Variants in SPTAN1 observed in about 807,000 individuals in gnomAD.
SPTAN1 encodes spectrin alpha chain, non-erythrocytic 1.
In SPTAN1, 61 loss-of-function variants were observed where a neutral mutation model predicts 331.3. That is an observed-to-expected ratio of 0.18 (90% confidence interval 0.15 to 0.23). SPTAN1 has a LOEUF of 0.23. Ranked by LOEUF, SPTAN1 falls within the 10% of genes least tolerant of loss-of-function variation. The pLI is 1.00. For missense variants in SPTAN1, 2,043 were observed against 3,147.9 expected (o/e 0.65, Z 8.40); for synonymous variants, 1,153 against 1,173.9 (o/e 0.98, Z 0.36).
At chr9:128,604,518 C>T (rs1855571565) in intron 29 of SPTAN1, 101 bp downstream of exon 29, 1 of 1,137,646 alleles carries the variant, frequency 8.8e-7, no homozygotes, top group African/African-American at 1.5e-5. Flanking sequence ...CAACTGCTGG[C>T]TCTTACTGAT....
intron 32 of SPTAN1, 39 bp from the exon 33 acceptor site, chr9:128,607,813 C>A: frequency 6.2e-7 from 1 of 1,613,258 alleles, no homozygotes; most frequent in South Asian, 1.1e-5. Flanking sequence ...GAGTGGGCAT[C>A]TGCTGCCAGT....
chr9:128,613,234 G>A, intron 39 of SPTAN1, 147 bp from the exon 40 acceptor site: 1 of 719,232 alleles, frequency 1.4e-6, no homozygotes, highest in Non-Finnish European at 2.5e-6. Flanking sequence ...TGATTGGGGT[G>A]GCTAGGAATC....
Position 128,632,903 on chromosome 9 carries a change from G to C in SPTAN1, c.7256G>C (p.Arg2419Pro). The change falls in exon 56 of 57, where the codon CGG becomes CCG. Residue 2419 changes from arginine (R) to proline (P), a missense_variant. Physicochemically the swap from Arg to Pro is moderately radical, Grantham distance 103. This residue lies in a region of SPTAN1 where 88 missense variants were observed against 96.5 expected (regional missense o/e 0.91). Transcript: ENST00000372739. ...KSSEEIESAFRALSSEGKPYV... is the reference protein window; with the variant it reads ...KSSEEIESAFPALSSEGKPYV... ...AGCGAGGAGATTGAGAGCGCCTTCC[G>C]GGCCCTCAGCTCAGAGGGAAAGCCT... 6.2e-7 allele frequency: 1 copy of C among 1,613,744 alleles called. No individual in the cohort carries two copies. Among genetic ancestry groups the C allele is most frequent in the Non-Finnish European group, 8.5e-7 (1 of 1,180,028 alleles).
chr9:128,626,374 G>T lies in SPTAN1; in HGVS notation c.6280-17G>T. The T allele has an allele frequency of 1.2e-6, 2 of 1,612,962 alleles. No homozygotes were observed. Among genetic ancestry groups the T allele is most frequent in the Non-Finnish European group, 1.7e-6 (2 of 1,180,018 alleles). ...CAGCCCTGGCGACTCCGCCAACTCA[G>T]TCTCTTCTGCTTCCAGGTGGAGGAC... On this transcript the variant is annotated splice_polypyrimidine_tract_variant and intron_variant, in intron 48 of 56. Coordinates refer to ENST00000372739, the MANE Select transcript of SPTAN1 (RefSeq NM_001130438.3).
intron 3 of SPTAN1, 81 bp from the exon 4 acceptor site, chr9:128,574,594 A>C: frequency 5.2e-6 from 8 of 1,546,252 alleles, no homozygotes; most frequent in Non-Finnish European, 7.1e-6. Flanking sequence ...TAAGGTCTCT[A>C]ACTTGTCTAA....
intron 1 of SPTAN1, among the ~76,000 whole-genome samples, chr9:128,559,811 T>G (rs1269328429): frequency 6.6e-6 from 1 of 152,070 alleles, no homozygotes. Context: ...CTTGGCTCAC[T>G]GCAACCTCTG....
At chr9:128,567,479 A>G (rs944716842) in intron 2 of SPTAN1, among the ~76,000 whole-genome samples, 5 of 151,818 alleles carry the variant, frequency 3.3e-5, no homozygotes, top group African/African-American at 1.2e-4. Context: ...TTTAGTAGAG[A>G]TAGGGTTTTG....
At position 128,580,931 on chromosome 9, in the gene SPTAN1, C is replaced by T; in HGVS notation, c.1333C>T (p.Leu445Phe). ...SDEVREKLTV[L>F]SEERAALLEL... ...CTCCTATGCCCCCAAGCTGACCGTC[C>T]TTTCCGAGGAGAGAGCGGCGCTGCT... Residue 445 changes from leucine to phenylalanine, a missense_variant, in exon 11 of 57, where the codon CTT (leucine) becomes TTT (phenylalanine). Leu to Phe is a conservative substitution (Grantham distance 22, BLOSUM62 0). Coordinates refer to ENST00000372739, the MANE Select transcript of SPTAN1 (RefSeq NM_001130438.3). The T allele has an allele frequency of 6.2e-7, 1 of 1,613,166 alleles. No individual in the cohort carries two copies. The highest frequency in any genetic ancestry group is 8.5e-7 in the Non-Finnish European group (1 of 1,180,030).
Position 128,627,250 on chromosome 9 carries a change from G to A in SPTAN1, c.6577-136G>A, listed in dbSNP as rs756086104. The A allele has an allele frequency of 1.4e-5, 11 of 764,836 alleles. No homozygotes were observed. In the Admixed American group the frequency reaches 1.8e-4, roughly 12 times the overall value. 47.4% of individuals were successfully genotyped at this position (764,836 alleles called of 1,614,324 possible). On this transcript the variant is annotated intron_variant, in intron 49 of 56. Transcript: ENST00000372739. The surrounding 1 kb of genome is among the most constrained non-coding windows in gnomAD (Gnocchi z 4.9). ...ACCAAGTGCTCTGAGCCGGCCTCAT[G>A]TCTCCCAGCCTCCTCCTCTCATCTT... is the stretch of plus-strand genomic sequence containing the variant.
At chr9:128,554,155 T>G (rs576149656) in intron 1 of SPTAN1, among the ~76,000 whole-genome samples, 2 of 152,294 alleles carry the variant, frequency 1.3e-5, no homozygotes, top group South Asian at 4.1e-4. Flanking sequence ...TTTTAGTAAC[T>G]GGGCCAATAA....
intron 2 of SPTAN1, among the ~76,000 whole-genome samples, chr9:128,568,164 C>T (rs1243742537): frequency 6.6e-6 from 1 of 152,112 alleles, no homozygotes; most frequent in Non-Finnish European, 1.5e-5. Flanking sequence ...TAGTTGGGCC[C>T]ATGGATTTTT....
intron 1 of SPTAN1, among the ~76,000 whole-genome samples, chr9:128,557,141 G>C (rs561276856): frequency 1.3e-5 from 2 of 152,292 alleles, no homozygotes; most frequent in Non-Finnish European, 2.9e-5. Flanking sequence ...ATAACCAAAT[G>C]ACCAAACGAC....
chr9:128,565,576 C>T (rs952631098), intron 1 of SPTAN1, among the ~76,000 whole-genome samples: 23 of 152,222 alleles, frequency 1.5e-4, no homozygotes, highest in Non-Finnish European at 2.9e-4. Flanking sequence ...TGAATCCCTA[C>T]AGAGCTGGGG....
chr9:128,626,480 G>A lies in SPTAN1; in HGVS notation c.6369G>A (p.Val2123=), dbSNP rs763025631. The part of the protein sequence containing the change: ...ENAEEDLTDP[V]RCNSLEEIKA... ...CAGAGGAGGACTTAACAGACCCCGTGCGCTGCAACTCCTTGGAAGAAATCA... is the reference window on the plus strand; with the variant it reads ...CAGAGGAGGACTTAACAGACCCCGTACGCTGCAACTCCTTGGAAGAAATCA... Residue 2123 remains valine, a synonymous_variant, in exon 49 of 57, where the codon GTG becomes GTA. Transcript: ENST00000372739. The A allele has an allele frequency of 6.2e-7, 1 of 1,614,216 alleles. No homozygotes were observed. Among genetic ancestry groups the A allele is most frequent in the African/African-American group, 1.3e-5 (1 of 75,052 alleles).
intron 26 of SPTAN1, 193 bp from the exon 27 acceptor site, chr9:128,599,887 T>C (rs1011799808): frequency 4.7e-6 from 3 of 632,228 alleles, no homozygotes; most frequent in Non-Finnish European, 8.5e-6. Flanking sequence ...CTCCCCTGTT[T>C]GTTGGCTTAA....
intron 21 of SPTAN1, 121 bp from the exon 22 acceptor site, chr9:128,591,356 G>T: frequency 1.5e-6 from 2 of 1,315,294 alleles, no homozygotes. Flanking sequence ...GTGAGCCACT[G>T]TGGCCGGCCG....
chr9:128,599,882 C>T, intron 26 of SPTAN1, 198 bp from the exon 27 acceptor site: 1 of 621,382 alleles, frequency 1.6e-6, no homozygotes, highest in East Asian at 2.8e-5. Flanking sequence ...TTTCTCTCCC[C>T]TGTTTGTTGG....
chr9:128,566,696 G>T (rs1304652651), intron 1 of SPTAN1, 42 bp from the exon 2 acceptor site: 2 of 1,613,192 alleles, frequency 1.2e-6, no homozygotes, highest in South Asian at 2.2e-5. Flanking sequence ...CATCTATTTT[G>T]GTGCCTATTG....
chr9:128,617,906 T>C, intron 42 of SPTAN1, 81 bp from the exon 43 acceptor site: 1 of 1,613,338 alleles, frequency 6.2e-7, no homozygotes, highest in South Asian at 1.1e-5. Flanking sequence ...AAACTTGATG[T>C]TGAGGCCTTT....
Sources: allele counts gnomAD v4.1 joint callset (sites outside exome capture counted in the v4.1 genomes callset), GRCh38; gene constraint gnomAD v4.1.1; regional missense constraint gnomAD v4.1.1; non-coding constraint Gnocchi (gnomAD v3.1); transcripts MANE v1.5; gene names NCBI Gene and HGNC (gene_info 2026-07-23, HGNC 2026-07-21).